The following MRPS9 variants were observed in gnomAD, a reference collection of about 807,000 sequenced individuals.
MRPS9 encodes the protein mitochondrial ribosomal protein S9.
Under a neutral mutation model 59.9 loss-of-function variants are expected in MRPS9, and 45 were observed. The observed-to-expected ratio is 0.75, with a 90% CI of 0.59 to 0.96. The LOEUF is 0.96. MRPS9 is among the 40% of genes least tolerant of loss of function. The pLI, the probability that MRPS9 is intolerant of heterozygous loss-of-function variation, is 0.00. For synonymous variants in MRPS9, 171 were observed against 166.8 expected (o/e 1.03, Z -0.19); for missense variants, 473 against 481.1 (o/e 0.98, Z 0.16).
At chr2:105,039,779 G>T (rs1679470051) in intron 1 of MRPS9, among the ~76,000 whole-genome samples, 1 of 152,174 alleles carries the variant, frequency 6.6e-6, no homozygotes, top group African/African-American at 2.4e-5. Flanking sequence ...CACTAATAAA[G>T]TTTCAGTAAA....
chr2:105,062,555 G>A (rs1031151700), intron 2 of MRPS9, among the ~76,000 whole-genome samples: 3 of 152,144 alleles, frequency 2.0e-5, no homozygotes, highest in Non-Finnish European at 2.9e-5. Context: ...ATTCTGTCTT[G>A]TAACAATAGA....
At chr2:105,061,109 CAAAAAA>C (rs751155585) in intron 2 of MRPS9, among the ~76,000 whole-genome samples, 7 of 47,990 alleles carry the variant, frequency 1.5e-4, no homozygotes, top group Admixed American at 5.9e-4. Context: ...GACTCTGTCT[CAAAAAA>C]AAAAAAAAAA....
At chr2:105,042,264 C>T (rs1679514819) in intron 1 of MRPS9, among the ~76,000 whole-genome samples, 1 of 152,208 alleles carries the variant, frequency 6.6e-6, no homozygotes, top group South Asian at 2.1e-4. Flanking sequence ...CTTCTAGGCT[C>T]ACTCAGTGTT....
chr2:105,089,842 A>T, intron 6 of MRPS9, 78 bp from the exon 7 acceptor site: 1 of 907,244 alleles, frequency 1.1e-6, no homozygotes. Flanking sequence ...TAAAATTGCT[A>T]CTATATGTGG....
Position 105,089,962 on chromosome 2 carries a change from A to G in MRPS9, c.618A>G (p.Glu206=), listed in dbSNP as rs1680525855. 2 of 1,610,398 alleles carry G rather than the reference A, an allele frequency of 1.2e-6. No individual in the cohort carries two copies. Among genetic ancestry groups the G allele is most frequent in the Non-Finnish European group, 1.7e-6 (2 of 1,177,666 alleles). ...GATGGCTGATTAAGGAGGAACTAGAAGAAATGTTAGTGGAAAAACTGTCAG... is the reference window on the plus strand; with the variant it reads ...GATGGCTGATTAAGGAGGAACTAGAGGAAATGTTAGTGGAAAAACTGTCAG... ...GSRWLIKEEL[E]EMLVEKLSDL... The change falls in exon 7 of 11, where the codon GAA becomes GAG. Residue 206 remains glutamate, a synonymous_variant. Coordinates refer to ENST00000258455, the MANE Select transcript of MRPS9 (RefSeq NM_182640.3).
intron 2 of MRPS9, 118 bp downstream of exon 2, chr2:105,049,468 A>G: frequency 1.2e-6 from 1 of 808,680 alleles, no homozygotes; most frequent in South Asian, 1.8e-5. Flanking sequence ...ATAAGGAAAA[A>G]TGCTGCTATA....
intron 10 of MRPS9, 126 bp downstream of exon 10, chr2:105,097,450 G>A: frequency 1.1e-6 from 1 of 878,890 alleles, no homozygotes. Context: ...TCACTTCGCT[G>A]TCTTCTTTCT....
chr2:105,084,946 C>T (rs910962317), intron 5 of MRPS9, among the ~76,000 whole-genome samples: 1 of 151,888 alleles, frequency 6.6e-6, no homozygotes, highest in Non-Finnish European at 1.5e-5. Context: ...ATTAGATTAC[C>T]TCTTTGTAAT....
rs116607350 is a variant in MRPS9 at position 105,084,130 on chromosome 2, A to C, written c.489+4068A>C. 4.3e-3 allele frequency among the ~76,000 whole-genome samples: 655 copies of C among 152,162 alleles called. 3 individuals are homozygous for C. Among genetic ancestry groups the C allele is most frequent in the African/African-American group, 0.015 (623 of 41,536 alleles). Reference sequence around the variant, plus strand: ...TCTAAACACTGCACTAGGTTTTAGCATTGTGTAGAAACTTCATTTATGTTT... The same window carrying C: ...TCTAAACACTGCACTAGGTTTTAGCCTTGTGTAGAAACTTCATTTATGTTT... On this transcript the variant is annotated intron_variant, in intron 5 of 10. Transcript: ENST00000258455.
intron 1 of MRPS9, among the ~76,000 whole-genome samples, chr2:105,038,851 G>A (rs973087144): frequency 3.3e-5 from 5 of 152,104 alleles, no homozygotes; most frequent in Admixed American, 6.6e-5. Context: ...GATTTGAGAG[G>A]GAAGAAACGA....
At chr2:105,044,360 C>T (rs1278713865) in intron 1 of MRPS9, among the ~76,000 whole-genome samples, 2 of 152,138 alleles carry the variant, frequency 1.3e-5, no homozygotes, top group East Asian at 3.8e-4. Flanking sequence ...GAATAATGGA[C>T]TCCTTTGAAT....
At chr2:105,084,110 A>G (rs1165217165) in intron 5 of MRPS9, among the ~76,000 whole-genome samples, 1 of 152,102 alleles carries the variant, frequency 6.6e-6, no homozygotes, top group Non-Finnish European at 1.5e-5. Flanking sequence ...GCAACTCTAA[A>G]CACTGCACTA....
chr2:105,040,711 T>C (rs1421023792), intron 1 of MRPS9, among the ~76,000 whole-genome samples: 1 of 152,188 alleles, frequency 6.6e-6, no homozygotes, highest in African/African-American at 2.4e-5. Context: ...GGCAGTCTTA[T>C]GAATGGCCAA....
At chr2:105,047,910 G>A (rs1239949571) in intron 1 of MRPS9, among the ~76,000 whole-genome samples, 1 of 151,826 alleles carries the variant, frequency 6.6e-6, no homozygotes, top group Non-Finnish European at 1.5e-5. Flanking sequence ...TGGGATGGCT[G>A]GGTCAAATAG....
intron 2 of MRPS9, among the ~76,000 whole-genome samples, chr2:105,070,422 C>T (rs889765165): frequency 2.0e-5 from 3 of 152,138 alleles, no homozygotes; most frequent in African/African-American, 7.2e-5. Flanking sequence ...AGAGTCTGAT[C>T]CAGCACATTT....
At chr2:105,079,825 A>G (rs1458352121) in intron 4 of MRPS9, among the ~76,000 whole-genome samples, 158 bp from the exon 5 acceptor site, 4 of 152,198 alleles carry the variant, frequency 2.6e-5, no homozygotes, top group Admixed American at 2.6e-4. Flanking sequence ...TTGCATATAA[A>G]TATGCTAAAC....
rs562136906 is a variant in MRPS9, at chr2:105,063,842, G to T, written c.316-7471G>T. Among the ~76,000 whole-genome samples the T allele has an allele frequency of 1.4e-4, 22 of 152,252 alleles. No homozygotes were observed. The East Asian group carries it at 4.1e-3, about 28-fold the overall frequency. On this transcript the variant is annotated intron_variant, in intron 2 of 10. Coordinates refer to ENST00000258455, the MANE Select transcript of MRPS9 (RefSeq NM_182640.3). ...ATTTGGTTGTTGATTTATTCTTTGA[G>T]TATCTGCTGTGTTCTAATTCTGAAG...
intron 9 of MRPS9, among the ~76,000 whole-genome samples, chr2:105,094,689 A>G (rs138565648): frequency 1.3e-5 from 2 of 152,356 alleles, no homozygotes; most frequent in Admixed American, 6.5e-5. Flanking sequence ...TAGTTCTGCT[A>G]TTATCCTCAC....
chr2:105,086,548 GT>G, intron 5 of MRPS9, among the ~76,000 whole-genome samples: 1 of 152,170 alleles, frequency 6.6e-6, no homozygotes, highest in Non-Finnish European at 1.5e-5. Flanking sequence ...TGTTATTTTA[GT>G]TGCCTTAATT....
Sources: allele counts gnomAD v4.1 joint callset (sites outside exome capture counted in the v4.1 genomes callset), GRCh38; gene constraint gnomAD v4.1.1; transcripts MANE v1.5; gene names NCBI Gene and HGNC (gene_info 2026-07-23, HGNC 2026-07-21).